Variants in GGTA1 observed in about 807,000 individuals in gnomAD.
GGTA1 encodes the protein inactive N-acetyllactosaminide alpha-1,3-galactosyltransferase.
GGTA1 carries 5 observed loss-of-function variants against 2.6 expected under a neutral mutation model. The ratio of observed to expected loss-of-function variants is 1.92; its 90% confidence interval spans 1.00 to 4.04. GGTA1 has a LOEUF of 4.04. Among genes scored for constraint, GGTA1 ranks in the 30% most tolerant of loss-of-function variants. The pLI is 0.00. For synonymous variants in GGTA1, 17 were observed against 5.0 expected (o/e 3.38, Z -3.19); for missense variants, 50 against 16.7 (o/e 2.99, Z -3.47).
intron 1 of GGTA1, among the ~76,000 whole-genome samples, chr9:121,477,800 G>A (rs930284977): frequency 2.0e-5 from 3 of 151,682 alleles, no homozygotes; most frequent in Non-Finnish European, 2.9e-5. Context: ...TGATGGTCTC[G>A]ATTTCCTGAC....
chr9:121,456,112 G>A (rs116213274), intron 5 of GGTA1, among the ~76,000 whole-genome samples: 118 of 152,226 alleles, frequency 7.8e-4, no homozygotes, highest in African/African-American at 2.6e-3. Flanking sequence ...AAGTGACGGA[G>A]GGCAGCTCAC....
chr9:121,478,724 G>C (rs540625995), intron 1 of GGTA1, among the ~76,000 whole-genome samples: 5 of 152,296 alleles, frequency 3.3e-5, no homozygotes, highest in African/African-American at 1.2e-4. Context: ...TGTCGCTCCA[G>C]CCATCTCAAA....
chr9:121,498,644 A>G (rs1589341478), intron 1 of GGTA1, among the ~76,000 whole-genome samples: 1 of 152,142 alleles, frequency 6.6e-6, no homozygotes, highest in East Asian at 1.9e-4. Flanking sequence ...GCTTCCTCAG[A>G]CACGCCTGTT....
At chr9:121,466,152 T>C (rs1032215261) in intron 2 of GGTA1, among the ~76,000 whole-genome samples, 8 of 152,166 alleles carry the variant, frequency 5.3e-5, no homozygotes, top group African/African-American at 1.9e-4. Flanking sequence ...ACTCCTGGGT[T>C]CAAGCAATCT....
chr9:121,447,689 G>A (rs1361332039), intron 7 of GGTA1: 1 of 152,068 alleles, frequency 6.6e-6, no homozygotes, highest in East Asian at 1.9e-4. Flanking sequence ...TTTCCTGAAA[G>A]AAACCACATG....
rs547866969 is a variant in GGTA1, at chr9:121,471,433, C to T, written c.-9-3502G>A. Among the ~76,000 whole-genome samples the T allele has an allele frequency of 5.8e-4, 89 of 152,312 alleles. 1 individual carries two copies. The highest frequency in any genetic ancestry group is 5.4e-3 in the Admixed American group (82 of 15,302). On this transcript the variant is annotated intron_variant, in intron 1 of 5. Transcript: ENST00000481799. Reference sequence around the variant, plus strand: ...TTAATGTTTGCTGAGTGAATGAAATCAAATAAGAATGATACTTAAATTTGT... The same window carrying T: ...TTAATGTTTGCTGAGTGAATGAAATTAAATAAGAATGATACTTAAATTTGT...
chr9:121,488,586 G>A (rs1448224637), intron 1 of GGTA1, among the ~76,000 whole-genome samples: 2 of 152,104 alleles, frequency 1.3e-5, no homozygotes, highest in African/African-American at 4.8e-5. Context: ...AGGTGGTGGT[G>A]GACACCTGTA....
chr9:121,497,492 C>A (rs1318770355), intron 1 of GGTA1, among the ~76,000 whole-genome samples: 1 of 151,978 alleles, frequency 6.6e-6, no homozygotes. Context: ...TGCTGAGTGC[C>A]CATATGTTTC....
At chr9:121,473,054 G>A (rs1386668597) in intron 1 of GGTA1, among the ~76,000 whole-genome samples, 1 of 152,102 alleles carries the variant, frequency 6.6e-6, no homozygotes, top group Admixed American at 6.6e-5. Flanking sequence ...ATGACCGGGT[G>A]CAAACCTGTA....
intron 1 of GGTA1, among the ~76,000 whole-genome samples, chr9:121,499,254 C>G (rs1427338713): frequency 1.3e-5 from 2 of 152,116 alleles, no homozygotes; most frequent in African/African-American, 4.8e-5. Context: ...AAGAGCCATT[C>G]CTCTGTCCTG....
chr9:121,481,085 G>A (rs1447094544), intron 1 of GGTA1, among the ~76,000 whole-genome samples: 55 of 149,770 alleles, frequency 3.7e-4, no homozygotes, highest in Admixed American at 3.4e-3. Context: ...CCCAGGAGGC[G>A]GAGCTTGCAG....
chr9:121,466,523 G>A (rs568663917), intron 2 of GGTA1, among the ~76,000 whole-genome samples: 1 of 152,194 alleles, frequency 6.6e-6, no homozygotes, highest in African/African-American at 2.4e-5. Context: ...TCCAGAAATG[G>A]TTACATCTGT....
intron 1 of GGTA1, 75 bp from the exon 2 acceptor site, chr9:121,468,006 A>G: frequency 2.4e-6 from 1 of 425,322 alleles, no homozygotes; most frequent in African/African-American, 2.1e-5. Context: ...TTTTTAAAAA[A>G]TGCTTTTACC....
At chr9:121,473,781 A>T (rs1370241148) in intron 1 of GGTA1, among the ~76,000 whole-genome samples, 1 of 151,946 alleles carries the variant, frequency 6.6e-6, no homozygotes, top group African/African-American at 2.4e-5. Flanking sequence ...GCTGGGTGTG[A>T]TGGTGCATAC....
chr9:121,464,228 G>A (rs548002402), intron 2 of GGTA1, among the ~76,000 whole-genome samples: 1 of 151,946 alleles, frequency 6.6e-6, no homozygotes, highest in Admixed American at 6.6e-5. Context: ...TCCTAGCACA[G>A]TGCCTGGTAC....
downstream of GGTA1, chr9:121,451,884 G>T (rs1255135628): frequency 6.6e-6 from 1 of 152,216 alleles, no homozygotes; most frequent in African/African-American, 2.4e-5. Context: ...CCCTGGGCTT[G>T]GTGGGTGGAA....
At chr9:121,464,631 AAAAC>A (rs1440466745) in intron 2 of GGTA1, among the ~76,000 whole-genome samples, 38 of 2,544 alleles carry the variant, frequency 0.015, no homozygotes, top group African/African-American at 0.028. Flanking sequence ...AAACAAAAAC[AAAAC>A]AAAACAAAAC....
intron 7 of GGTA1, among the ~76,000 whole-genome samples, chr9:121,447,811 C>G (rs887176002): frequency 5.3e-5 from 8 of 151,978 alleles, no homozygotes; most frequent in African/African-American, 1.9e-4. Context: ...AGTGTAATAC[C>G]CCGGCTACTC....
chr9:121,457,909 T>C (rs1416601871), intron 5 of GGTA1, among the ~76,000 whole-genome samples: 2 of 138,110 alleles, frequency 1.4e-5, no homozygotes, highest in African/African-American at 5.2e-5. Context: ...CAGAAAAGGA[T>C]ACTTTTTTTT....
Sources: gnomAD v4.1 joint callset for allele counts (sites outside exome capture counted in the v4.1 genomes callset) on GRCh38, gnomAD v4.1.1 for gene constraint, MANE v1.5 for transcripts, NCBI Gene and HGNC (gene_info 2026-07-23, HGNC 2026-07-21) for gene names.